Variants in AEBP2 observed in about 807,000 individuals in gnomAD.
The protein encoded by AEBP2 is AE binding protein 2.
In AEBP2, 10 loss-of-function variants were observed where a neutral mutation model predicts 50.8. The observed-to-expected ratio is 0.20, with a 90% CI of 0.12 to 0.33. The LOEUF (loss-of-function observed/expected upper bound fraction) is 0.33. AEBP2 is among the 10% of genes least tolerant of loss of function. AEBP2 has a pLI of 1.00. For missense variants in AEBP2, 570 were observed against 688.0 expected (o/e 0.83, Z 1.92); for synonymous variants, 296 against 261.3 (o/e 1.13, Z -1.28).
At chr12:19,509,047 G>T (rs1490460388) in intron 5 of AEBP2, 3 of 586,640 alleles carry the variant, frequency 5.1e-6, no homozygotes, top group African/African-American at 1.9e-5. Context: ...CATGTGGCAT[G>T]TGCCCAGGCA....
intron 1 of AEBP2, among the ~76,000 whole-genome samples, chr12:19,417,328 T>C (rs2095743169): frequency 6.6e-6 from 1 of 152,208 alleles, no homozygotes; most frequent in African/African-American, 2.4e-5. Flanking sequence ...CACCAATAAA[T>C]ACTGTGATGT....
intron 1 of AEBP2, among the ~76,000 whole-genome samples, chr12:19,423,193 G>T (rs901444641): frequency 6.7e-6 from 1 of 149,152 alleles, no homozygotes; most frequent in African/African-American, 2.5e-5. Flanking sequence ...CTCATACATA[G>T]TAGACACTCA....
At position 19,439,637 on chromosome 12, in the gene AEBP2, G is replaced by C; in HGVS notation, c.-63G>C. 5 of 1,494,066 alleles carry C rather than the reference G, an allele frequency of 3.3e-6. No homozygotes were observed. The highest frequency in any genetic ancestry group is 4.4e-6 in the Non-Finnish European group (5 of 1,126,132). The allele number at this position is 1,494,066 out of a possible 1,614,324, so 92.6% of individuals were successfully genotyped here. On this transcript the variant is annotated 5_prime_UTR_variant, in exon 1 of 8. Coordinates refer to ENST00000266508, the MANE Select transcript of AEBP2 (RefSeq NM_153207.5). The stretch of plus-strand genomic sequence containing the variant: ...GGGCGTTTGGGAGGGGGGCGAGGGA[G>C]AGAGAGTCGAGAGAGGGAGGCGGCG...
At chr12:19,426,843 G>T (rs2095748792) in intron 1 of AEBP2, among the ~76,000 whole-genome samples, 1 of 152,304 alleles carries the variant, frequency 6.6e-6, no homozygotes, top group East Asian at 1.9e-4. Context: ...GGAGGTTGCA[G>T]TGGGCCAAGA....
chr12:19,469,467 T>C (rs570568632), intron 2 of AEBP2, among the ~76,000 whole-genome samples: 3 of 152,168 alleles, frequency 2.0e-5, no homozygotes, highest in Non-Finnish European at 4.4e-5. Context: ...CTTCCAAGAT[T>C]ACATAGCTGC....
At chr12:19,415,943 T>C (rs1317919061) in intron 1 of AEBP2, among the ~76,000 whole-genome samples, 3 of 152,088 alleles carry the variant, frequency 2.0e-5, no homozygotes, top group Non-Finnish European at 4.4e-5. Context: ...AAACCCAGCA[T>C]TTTGGGAGGC....
chr12:19,499,956 A>C, intron 4 of AEBP2, 141 bp from the exon 5 acceptor site: 1 of 819,370 alleles, frequency 1.2e-6, no homozygotes, highest in Non-Finnish European at 1.9e-6. Context: ...CTTCTTATCT[A>C]GAGTCCATGT....
Position 19,439,990 on chromosome 12 carries a change from AGACGAGGAGGAGGAC to A in AEBP2, c.306_320del (p.Asp102_Glu106del), listed in dbSNP as rs894364926. ...GCGCCAGCCAGGCCGGGGAGGACGA[AGACGAGGAGGAGGAC>A]GACGAGGAGGAGGAAGATGAGAGCA... On this transcript the variant is annotated inframe_deletion, in exon 1 of 8. Coordinates refer to ENST00000266508, the MANE Select transcript of AEBP2 (RefSeq NM_153207.5). 7 of 1,522,458 alleles carry A rather than the reference AGACGAGGAGGAGGAC, an allele frequency of 4.6e-6. No individual in the cohort carries two copies. The highest frequency in any genetic ancestry group is 2.9e-5 in the African/African-American group (2 of 69,538). The allele number at this position is 1,522,458 out of a possible 1,614,324, so 94.3% of individuals were successfully genotyped here. A position where few individuals can be genotyped will look rare whatever the true frequency, so the allele number is the denominator to read the frequency against.
At chr12:19,453,614 G>A (rs1056791965) in intron 1 of AEBP2, among the ~76,000 whole-genome samples, 2 of 151,536 alleles carry the variant, frequency 1.3e-5, no homozygotes, top group African/African-American at 4.8e-5. Flanking sequence ...ATTAGAGATG[G>A]GGTTTTGCCA....
chr12:19,436,570 G>C (rs1386199545), upstream of AEBP2, among the ~76,000 whole-genome samples: 12 of 139,978 alleles, frequency 8.6e-5, no homozygotes, highest in Middle Eastern at 3.8e-3. Flanking sequence ...GTTTTCTTTT[G>C]TTTTCTTTTC....
intron 3 of AEBP2, among the ~76,000 whole-genome samples, chr12:19,483,115 T>C (rs1948754331): frequency 6.6e-6 from 1 of 152,114 alleles, no homozygotes; most frequent in Non-Finnish European, 1.5e-5. Context: ...CAGCTGAAAT[T>C]GTTACTATCT....
At chr12:19,424,053 A>G (rs1460657384) in intron 1 of AEBP2, among the ~76,000 whole-genome samples, 1 of 152,182 alleles carries the variant, frequency 6.6e-6, no homozygotes, top group Non-Finnish European at 1.5e-5. Flanking sequence ...ATGAGAATGG[A>G]TGTTATTTAC....
chr12:19,420,378 G>T (rs2095745018), intron 1 of AEBP2, among the ~76,000 whole-genome samples: 1 of 125,266 alleles, frequency 8.0e-6, no homozygotes, highest in Non-Finnish European at 1.6e-5. Context: ...CTGTCACCCA[G>T]GCTGGAGTAC....
intron 1 of AEBP2, among the ~76,000 whole-genome samples, chr12:19,442,426 A>G (rs1169026458): frequency 6.6e-6 from 1 of 152,096 alleles, no homozygotes; most frequent in Non-Finnish European, 1.5e-5. Flanking sequence ...ACCAAGTGAT[A>G]TGTGTCAGAG....
chr12:19,479,385 A>G (rs896802424), intron 3 of AEBP2, among the ~76,000 whole-genome samples: 6 of 152,192 alleles, frequency 3.9e-5, no homozygotes, highest in Non-Finnish European at 7.3e-5. Context: ...GAGGGGAATA[A>G]CTGAGGAAAA....
At chr12:19,504,059 G>A (rs1272346173) in intron 5 of AEBP2, among the ~76,000 whole-genome samples, 1 of 151,922 alleles carries the variant, frequency 6.6e-6, no homozygotes, top group Non-Finnish European at 1.5e-5. Context: ...TCTTGTTTAT[G>A]GACTAAATTT....
chr12:19,453,214 C>T (rs1006319893), intron 1 of AEBP2, among the ~76,000 whole-genome samples: 3 of 152,044 alleles, frequency 2.0e-5, no homozygotes, highest in Non-Finnish European at 4.4e-5. Context: ...CGTGATCCAC[C>T]CGCCTCAGCC....
chr12:19,471,821 A>G (rs1948578147), intron 2 of AEBP2, among the ~76,000 whole-genome samples: 1 of 152,118 alleles, frequency 6.6e-6, no homozygotes, highest in Non-Finnish European at 1.5e-5. Context: ...GTGAGCCACC[A>G]CATCGGGTGC....
At chr12:19,477,920 C>G (rs573787086) in intron 3 of AEBP2, among the ~76,000 whole-genome samples, 1 of 151,952 alleles carries the variant, frequency 6.6e-6, no homozygotes, top group Admixed American at 6.6e-5. Flanking sequence ...CCAGAAGGGT[C>G]GTGTATTTCC....
Sources: allele counts gnomAD v4.1 joint callset (sites outside exome capture counted in the v4.1 genomes callset), GRCh38; gene constraint gnomAD v4.1.1; transcripts MANE v1.5; gene names NCBI Gene and HGNC (gene_info 2026-07-23, HGNC 2026-07-21).